Variants in RNF8 observed in about 807,000 individuals in gnomAD.
RNF8 encodes E3 ubiquitin-protein ligase RNF8.
RNF8 carries 8 observed loss-of-function variants against 59.3 expected under a neutral mutation model. The observed-to-expected ratio is 0.13, with a 90% CI of 0.08 to 0.24. RNF8 has a LOEUF of 0.24. RNF8 is among the 10% of genes least tolerant of loss of function. The probability of loss-of-function intolerance (pLI) is 1.00; values close to 1 mark genes in which losing one functional copy is unlikely to be tolerated. For synonymous variants in RNF8, 162 were observed against 200.0 expected (o/e 0.81, Z 1.60); for missense variants, 406 against 572.6 (o/e 0.71, Z 2.97).
Position 37,360,729 on chromosome 6 carries a change from G to A in RNF8, c.240+155G>A, listed in dbSNP as rs1292931776. Among the ~76,000 whole-genome samples the A allele has an allele frequency of 6.6e-6, 1 of 150,824 alleles. No individual in the cohort carries two copies. Among genetic ancestry groups the A allele is most frequent in the Non-Finnish European group, 1.5e-5 (1 of 67,874 alleles). On this transcript the variant is annotated intron_variant, in intron 2 of 7. Coordinates refer to ENST00000373479, the MANE Select transcript of RNF8 (RefSeq NM_003958.4). This position sits in a 1 kb window ranked among gnomAD's most constrained non-coding sequence, Gnocchi z 4.2. ...TTTCCAGAGGCAGCCACTTCCATATGCTGCCAGAGATTCGATTATGCTAAA... is the reference window on the plus strand; with the variant it reads ...TTTCCAGAGGCAGCCACTTCCATATACTGCCAGAGATTCGATTATGCTAAA...
intron 4 of RNF8, 48 bp from the exon 5 acceptor site, chr6:37,374,572 G>T: frequency 1.5e-6 from 2 of 1,377,566 alleles, no homozygotes; most frequent in Non-Finnish European, 2.1e-6. Flanking sequence ...CTAAAAGGAA[G>T]GATGCATTGT....
intron 7 of RNF8, 50 bp from the exon 8 acceptor site, chr6:37,390,692 A>C: frequency 7.0e-7 from 1 of 1,419,412 alleles, no homozygotes; most frequent in Non-Finnish European, 9.9e-7. Flanking sequence ...AGTCCACGGA[A>C]GGGAAATACA....
In RNF8 at chr6:37,392,716, A is replaced by G. The variant is rs1770760130; in HGVS notation, c.*1958A>G. 2.5e-6 allele frequency: 1 copy of G among 398,468 alleles called. No homozygotes were observed. Among genetic ancestry groups the G allele is most frequent in the Admixed American group, 4.4e-5 (1 of 22,718 alleles). 24.7% of individuals were successfully genotyped at this position (398,468 alleles called of 1,614,324 possible). On this transcript the variant is annotated 3_prime_UTR_variant, in exon 8 of 8. Transcript: ENST00000373479. ...TACTTTTCTGGCTTACTTTTGATAGAAATCTAGGTTGGTTCAAACCTTTTT... is the reference window on the plus strand; with the variant it reads ...TACTTTTCTGGCTTACTTTTGATAGGAATCTAGGTTGGTTCAAACCTTTTT...
intron 5 of RNF8, 71 bp from the exon 6 acceptor site, chr6:37,376,855 A>C: frequency 1.1e-6 from 1 of 896,476 alleles, no homozygotes; most frequent in Non-Finnish European, 1.9e-6. Context: ...TAAATAATTG[A>C]CCCTGCTCCC....
chr6:37,359,595 A>G (rs2113814381), intron 1 of RNF8, among the ~76,000 whole-genome samples: 1 of 152,352 alleles, frequency 6.6e-6, no homozygotes, highest in South Asian at 2.1e-4. Flanking sequence ...CTTGAATCCA[A>G]GGTTTTCCAT....
intron 3 of RNF8, 62 bp from the exon 4 acceptor site, chr6:37,371,450 G>T: frequency 2.1e-6 from 3 of 1,436,980 alleles, no homozygotes; most frequent in Non-Finnish European, 2.0e-6. Flanking sequence ...CTTGTTGCTG[G>T]ATTGTGTTCC....
chr6:37,374,974 T>C (rs2113826149), intron 5 of RNF8, among the ~76,000 whole-genome samples: 1 of 152,360 alleles, frequency 6.6e-6, no homozygotes, highest in Admixed American at 6.5e-5. Context: ...TGGGTACTCC[T>C]TCAGAGTGTG....
intron 7 of RNF8, among the ~76,000 whole-genome samples, chr6:37,384,985 T>C (rs1027325560): frequency 4.6e-5 from 7 of 152,088 alleles, no homozygotes; most frequent in Non-Finnish European, 1.0e-4. Flanking sequence ...CACATGCTTG[T>C]ACTCAGATAG....
chr6:37,369,141 T>C lies in RNF8; in HGVS notation c.898T>C (p.Cys300Arg). 1 of 1,614,098 alleles carries C rather than the reference T, an allele frequency of 6.2e-7. No individual in the cohort carries two copies. Among genetic ancestry groups the C allele is most frequent in the South Asian group, 1.1e-5 (1 of 91,084 alleles). Reference sequence around the variant, plus strand: ...ACTTCAGGACTTACAGTCCCAGCTGTGTGCAGAGCAGGCTCAGCAGCAGGC... The same window carrying C: ...ACTTCAGGACTTACAGTCCCAGCTGCGTGCAGAGCAGGCTCAGCAGCAGGC... Reference protein sequence around the residue: ...QELQDLQSQLCAEQAQQQARV... With the variant: ...QELQDLQSQLRAEQAQQQARV... The change falls in exon 3 of 8, where the codon TGT becomes CGT. Residue 300 changes from cysteine (C) to arginine (R), a missense_variant. By Grantham distance (180) the Cys-to-Arg change is radical. Coordinates refer to ENST00000373479, the MANE Select transcript of RNF8 (RefSeq NM_003958.4).
In RNF8 at chr6:37,393,769, T is replaced by C. The variant is rs993529250; in HGVS notation, c.*3011T>C. On this transcript the variant is annotated 3_prime_UTR_variant, in exon 8 of 8. Coordinates refer to ENST00000373479, the MANE Select transcript of RNF8 (RefSeq NM_003958.4). ...GTCCTTTGTGGATTGCATAGCTGGATACCCATCATCTGTTTCTCTGATTGG... is the reference window on the plus strand; with the variant it reads ...GTCCTTTGTGGATTGCATAGCTGGACACCCATCATCTGTTTCTCTGATTGG... The C allele has an allele frequency of 4.6e-5, 7 of 152,248 alleles. No individual in the cohort carries two copies. Among genetic ancestry groups the C allele is most frequent in the African/African-American group, 1.7e-4 (7 of 41,466 alleles). The allele number at this position is 152,248 out of a possible 1,614,324, so 9.4% of individuals were successfully genotyped here. A position where few individuals can be genotyped will look rare whatever the true frequency, so the allele number is the denominator to read the frequency against.
chr6:37,373,342 A>C lies in RNF8; in HGVS notation c.1039-1278A>C, dbSNP rs562421247. ...TATACAGCTCAAAAAACTTCTCTGA[A>C]TGCTTTTCATACCTGTTATTTTCTT... On this transcript the variant is annotated intron_variant, in intron 4 of 7. Coordinates refer to ENST00000373479, the MANE Select transcript of RNF8 (RefSeq NM_003958.4). 3.9e-5 allele frequency among the ~76,000 whole-genome samples: 6 copies of C among 152,310 alleles called. 1 individual carries two copies. The highest frequency in any genetic ancestry group is 1.9e-4 in the East Asian group (1 of 5,178).
At position 37,354,208 on chromosome 6, in the gene RNF8, G is replaced by T. The variant is rs1247921388; in HGVS notation, c.44G>T (p.Gly15Val). The T allele has an allele frequency of 4.4e-6, 7 of 1,589,374 alleles. No homozygotes were observed. Among genetic ancestry groups the T allele is most frequent in the Non-Finnish European group, 6.0e-6 (7 of 1,168,878 alleles). The part of the protein sequence containing the change: ...GFFVTGDRAG[G>V]RSWCLRRVGM... The stretch of plus-strand genomic sequence containing the variant: ...TTCGTCACAGGAGACCGCGCCGGTG[G>T]CCGGAGCTGGTGCCTGCGGCGGGTG... The change falls in exon 1 of 8, where the codon GGC becomes GTC. Residue 15 changes from glycine to valine, a missense_variant. Gly to Val is a moderately radical substitution (Grantham distance 109). Around this residue, in one of 3 missense-constraint regions of RNF8, gnomAD observed 62 missense variants for 112.2 expected, o/e 0.55. Transcript: ENST00000373479.
Position 37,394,403 on chromosome 6 carries a change from C to A in RNF8, c.*3645C>A, listed in dbSNP as rs766645271. On this transcript the variant is annotated 3_prime_UTR_variant, in exon 8 of 8. Transcript: ENST00000373479. ...GTATTAAGGAGAAATAATGAACTAT[C>A]TTCTTGATTCTTCCATTGAGAAAAG... 6.6e-6 allele frequency: 1 copy of A among 152,168 alleles called. No homozygotes were observed. Among genetic ancestry groups the A allele is most frequent in the Non-Finnish European group, 1.5e-5 (1 of 68,028 alleles). The allele number at this position is 152,168 out of a possible 1,614,324, so 9.4% of individuals were successfully genotyped here. A position where few individuals can be genotyped will look rare whatever the true frequency, so the allele number is the denominator to read the frequency against.
chr6:37,375,831 T>A (rs1445661147), intron 5 of RNF8, among the ~76,000 whole-genome samples: 1 of 152,222 alleles, frequency 6.6e-6, no homozygotes, highest in African/African-American at 2.4e-5. Flanking sequence ...CCTCAGGGGC[T>A]CTTAATGCTT....
At position 37,391,532 on chromosome 6, in the gene RNF8, ATT is replaced by A. The variant is rs1700717949; in HGVS notation, c.*777_*778del. ...CTGGCATTTGAATGTTTCCAAATCT[ATT>A]TTATCTGACGTCATGAACACACAGG... On this transcript the variant is annotated 3_prime_UTR_variant, in exon 8 of 8. Coordinates refer to ENST00000373479, the MANE Select transcript of RNF8 (RefSeq NM_003958.4). 1 of 152,152 alleles carries A rather than the reference ATT, an allele frequency of 6.6e-6. No individual in the cohort carries two copies. The highest frequency in any genetic ancestry group is 2.4e-5 in the African/African-American group (1 of 41,420). The allele number at this position is 152,152 out of a possible 1,614,324, so 9.4% of individuals were successfully genotyped here.
chr6:37,366,582 AT>A (rs973342511), intron 2 of RNF8, among the ~76,000 whole-genome samples: 7 of 152,214 alleles, frequency 4.6e-5, no homozygotes, highest in Non-Finnish European at 7.3e-5. Flanking sequence ...AAACCAAGTA[AT>A]GGAAGATAAA....
chr6:37,365,247 C>T (rs1769501931), intron 2 of RNF8, among the ~76,000 whole-genome samples: 1 of 152,122 alleles, frequency 6.6e-6, no homozygotes, highest in Non-Finnish European at 1.5e-5. Context: ...AGAAGCAAGA[C>T]TCAAAAGTGT....
intron 2 of RNF8, among the ~76,000 whole-genome samples, chr6:37,363,830 T>C (rs1389215939): frequency 1.3e-5 from 2 of 152,210 alleles, no homozygotes; most frequent in African/African-American, 4.8e-5. Flanking sequence ...CACTATACTA[T>C]AGTGAATATG....
intron 2 of RNF8, chr6:37,361,061 A>G (rs1369033305): frequency 2.8e-6 from 1 of 353,164 alleles, no homozygotes; most frequent in Non-Finnish European, 5.5e-6. Flanking sequence ...GGTGTTCCGA[A>G]GATTTCCTTT....
Sources: allele counts gnomAD v4.1 joint callset (sites outside exome capture counted in the v4.1 genomes callset), GRCh38; gene constraint gnomAD v4.1.1; regional missense constraint gnomAD v4.1.1; non-coding constraint Gnocchi (gnomAD v3.1); transcripts MANE v1.5; gene names NCBI Gene and HGNC (gene_info 2026-07-23, HGNC 2026-07-21).